DCC: variants seen among roughly 807,000 people sequenced by gnomAD.
DCC encodes the protein DCC netrin 1 receptor, also known as netrin receptor DCC.
DCC carries 58 observed loss-of-function variants against 172.5 expected under a neutral mutation model. That is an observed-to-expected ratio of 0.34 (90% CI 0.27 to 0.42). The LOEUF (loss-of-function observed/expected upper bound fraction) is 0.42, where lower values mean the gene tolerates loss of function less well. DCC is among the 10% of genes least tolerant of loss of function. The pLI is 1.00. For synonymous variants in DCC, 709 were observed against 644.5 expected, an observed-to-expected ratio of 1.10 and a Z score of -1.52; for missense variants, 1,740 against 1,791.0, an observed-to-expected ratio of 0.97 and a Z score of 0.51.
intron 5 of DCC, among the ~76,000 whole-genome samples, chr18:53,041,294 T>C (rs1386486936): frequency 2.0e-5 from 3 of 152,094 alleles, no homozygotes; most frequent in South Asian, 2.1e-4. Flanking sequence ...TGCTTGTTTT[T>C]GTCAGATTTG....
intron 17 of DCC, among the ~76,000 whole-genome samples, chr18:53,395,336 G>C (rs1231629844): frequency 6.6e-6 from 1 of 152,160 alleles, no homozygotes; most frequent in East Asian, 1.9e-4. Flanking sequence ...TGTCAGTCTA[G>C]AACACAAAGA....
intron 12 of DCC, among the ~76,000 whole-genome samples, chr18:53,290,231 T>C (rs2056985807): frequency 6.6e-6 from 1 of 152,198 alleles, no homozygotes; most frequent in Admixed American, 6.5e-5. Flanking sequence ...GTAGGAATAT[T>C]TGTTAGGATG....
At chr18:52,691,101 T>C (rs1271706258) in intron 1 of DCC, among the ~76,000 whole-genome samples, 1 of 152,150 alleles carries the variant, frequency 6.6e-6, no homozygotes, top group Non-Finnish European at 1.5e-5. Context: ...GTACACTCAT[T>C]CCCTGTAGGC....
chr18:52,956,280 A>T (rs895490783), intron 5 of DCC, among the ~76,000 whole-genome samples: 19 of 151,934 alleles, frequency 1.3e-4, no homozygotes, highest in African/African-American at 4.6e-4. Flanking sequence ...TTACATGTAG[A>T]TATCCAGTTG....
chr18:53,487,088 C>T (rs1470963793), intron 26 of DCC, 130 bp downstream of exon 26: 4 of 1,237,022 alleles, frequency 3.2e-6, no homozygotes, highest in Non-Finnish European at 4.6e-6. Flanking sequence ...CTAGAATGTT[C>T]CTTTCCAACA....
At chr18:52,519,726 A>C (rs545815672) in intron 1 of DCC, among the ~76,000 whole-genome samples, 2 of 152,324 alleles carry the variant, frequency 1.3e-5, no homozygotes, top group African/African-American at 4.8e-5. Flanking sequence ...GGCCATGACT[A>C]TGTAATGTGG....
chr18:53,433,602 T>C (rs1362804411), intron 21 of DCC, among the ~76,000 whole-genome samples: 1 of 152,192 alleles, frequency 6.6e-6, no homozygotes, highest in Non-Finnish European at 1.5e-5. Flanking sequence ...CCAACGTTGA[T>C]CTCACGATGT....
intron 1 of DCC, among the ~76,000 whole-genome samples, chr18:52,405,424 C>T (rs921502885): frequency 5.8e-4 from 79 of 135,288 alleles, no homozygotes; most frequent in African/African-American, 2.0e-3. Flanking sequence ...TGATGATGAG[C>T]GTTTTTTCAT....
At chr18:53,147,774 T>G (rs1300159287) in intron 7 of DCC, among the ~76,000 whole-genome samples, 2 of 152,182 alleles carry the variant, frequency 1.3e-5, no homozygotes, top group Non-Finnish European at 2.9e-5. Flanking sequence ...ATCCTAGAAA[T>G]GAGCATTTCC....
intron 1 of DCC, among the ~76,000 whole-genome samples, chr18:52,625,479 A>T (rs548167270): frequency 5.3e-5 from 8 of 152,176 alleles, no homozygotes; most frequent in African/African-American, 1.7e-4. Context: ...TTCATTTGGG[A>T]ACTATAGTCC....
intron 23 of DCC, among the ~76,000 whole-genome samples, chr18:53,456,796 G>A (rs1110325): frequency 0.034 from 5,120 of 152,284 alleles, 302 homozygotes; most frequent in African/African-American, 0.12. Flanking sequence ...CACAGGAACC[G>A]TGGGCTGCAA....
At chr18:52,404,334 T>C (rs926875063) in intron 1 of DCC, among the ~76,000 whole-genome samples, 28 of 152,018 alleles carry the variant, frequency 1.8e-4, no homozygotes, top group African/African-American at 6.3e-4. Flanking sequence ...AGAGAATGGG[T>C]TAGTACCATG....
chr18:52,685,406 C>G (rs1445046018), intron 1 of DCC, among the ~76,000 whole-genome samples: 1 of 152,038 alleles, frequency 6.6e-6, no homozygotes, highest in African/African-American at 2.4e-5. Flanking sequence ...TTGAGCCCTG[C>G]TATGTTTTGG....
intron 3 of DCC, among the ~76,000 whole-genome samples, chr18:52,912,087 G>A (rs2039978799): frequency 6.6e-6 from 1 of 152,066 alleles, no homozygotes; most frequent in Non-Finnish European, 1.5e-5. Flanking sequence ...AACTTGAACT[G>A]TTATAGTAAG....
At chr18:53,403,106 ACACACACACACACG>A (rs1357918979) in intron 19 of DCC, among the ~76,000 whole-genome samples, 1 of 138,844 alleles carries the variant, frequency 7.2e-6, no homozygotes, top group Non-Finnish European at 1.6e-5. Context: ...ACACACACAC[ACACACACACACACG>A]TCATTTGATT....
chr18:52,883,766 C>A (rs1293537533), intron 2 of DCC, among the ~76,000 whole-genome samples: 2 of 151,830 alleles, frequency 1.3e-5, no homozygotes, highest in Non-Finnish European at 2.9e-5. Context: ...TTATAATATC[C>A]TGTGTTTTTC....
intron 2 of DCC, among the ~76,000 whole-genome samples, chr18:52,815,287 C>A (rs530878534): frequency 2.6e-5 from 4 of 152,068 alleles, no homozygotes; most frequent in Admixed American, 2.6e-4. Flanking sequence ...GAAATAGGGC[C>A]TATAAGGAGT....
At chr18:53,362,771 G>A (rs1319006190) in intron 15 of DCC, among the ~76,000 whole-genome samples, 1 of 152,062 alleles carries the variant, frequency 6.6e-6, no homozygotes, top group Non-Finnish European at 1.5e-5. Context: ...AACAAGAAGG[G>A]ACCCTTCCAC....
At chr18:53,059,062 G>A (rs1302352983) in intron 5 of DCC, among the ~76,000 whole-genome samples, 1 of 152,090 alleles carries the variant, frequency 6.6e-6, no homozygotes, top group East Asian at 1.9e-4. Flanking sequence ...AGGCAAACAT[G>A]TCTTTGTTCA....
Sources: gnomAD v4.1 joint callset for allele counts (sites outside exome capture counted in the v4.1 genomes callset) on GRCh38, gnomAD v4.1.1 for gene constraint, MANE v1.5 for transcripts, NCBI Gene and HGNC (gene_info 2026-07-23, HGNC 2026-07-21) for gene names.